TECTA: variants seen among roughly 807,000 people sequenced by gnomAD.
TECTA encodes tectorin alpha, also known as alpha-tectorin.
Under a neutral mutation model 216.8 loss-of-function variants are expected in TECTA, and 128 were observed. The ratio of observed to expected loss-of-function variants is 0.59; its 90% confidence interval spans 0.51 to 0.68. The LOEUF (loss-of-function observed/expected upper bound fraction) is 0.68. Among genes scored for constraint, TECTA ranks in the 30% least tolerant of loss-of-function variants. TECTA has a pLI of 0.00. For synonymous variants in TECTA, 1,089 were observed against 1,117.1 expected, an observed-to-expected ratio of 0.97 and a Z score of 0.50; for missense variants, 2,551 against 2,786.2, an observed-to-expected ratio of 0.92 and a Z score of 1.90.
intron 7 of TECTA, among the ~76,000 whole-genome samples, chr11:121,122,459 T>C (rs1476809296): frequency 6.6e-6 from 1 of 152,172 alleles, no homozygotes; most frequent in Non-Finnish European, 1.5e-5. Context: ...ACCCAGTTTA[T>C]GGTATTTTGC....
At chr11:121,178,123 G>T (rs1947187651) in intron 20 of TECTA, among the ~76,000 whole-genome samples, 2 of 152,214 alleles carry the variant, frequency 1.3e-5, no homozygotes, top group South Asian at 4.1e-4. Flanking sequence ...CTGACCCCTT[G>T]TGCTTCCCAA....
intron 18 of TECTA, 43 bp from the exon 19 acceptor site, chr11:121,168,011 C>A: frequency 1.2e-6 from 2 of 1,610,352 alleles, no homozygotes; most frequent in South Asian, 1.1e-5. Flanking sequence ...GCTACATACT[C>A]ACTCCCAGAT....
chr11:121,135,510 T>C (rs986243879), intron 10 of TECTA, among the ~76,000 whole-genome samples: 1 of 152,218 alleles, frequency 6.6e-6, no homozygotes, highest in African/African-American at 2.4e-5. Flanking sequence ...CACAGACATA[T>C]ATAATCAGTG....
At chr11:121,186,767 G>A (rs1487121512) in intron 20 of TECTA, among the ~76,000 whole-genome samples, 1 of 152,220 alleles carries the variant, frequency 6.6e-6, no homozygotes, top group Non-Finnish European at 1.5e-5. Context: ...TTATTGCTAA[G>A]CTATTTAATC....
rs767905616 is a variant in TECTA, at chr11:121,113,261, G to A, written c.624+52G>A. On this transcript the variant is annotated intron_variant, in intron 5 of 23. Coordinates refer to ENST00000392793, the MANE Select transcript of TECTA (RefSeq NM_005422.4). This position sits in a 1 kb window ranked among gnomAD's most constrained non-coding sequence, Gnocchi z 4.2. ...GCGTGTTTCCGTCGCTGCACTCTCT[G>A]CTTCTGTGGCTCAGCATCCTGGAGG... 6.2e-7 allele frequency: 1 copy of A among 1,612,264 alleles called. No homozygotes were observed. Among genetic ancestry groups the A allele is most frequent in the Non-Finnish European group, 8.5e-7 (1 of 1,179,956 alleles).
chr11:121,162,435 A>G, intron 16 of TECTA, 65 bp downstream of exon 16: 1 of 1,553,720 alleles, frequency 6.4e-7, no homozygotes, highest in South Asian at 1.2e-5. Flanking sequence ...TGCTGGTAGC[A>G]TTGCTTTTTC....
chr11:121,167,985 T>A (rs1947071678), intron 18 of TECTA, 69 bp from the exon 19 acceptor site: 1 of 1,576,602 alleles, frequency 6.3e-7, no homozygotes, highest in East Asian at 2.2e-5. Flanking sequence ...TTCAGGGATA[T>A]GGATTTGATA....
In TECTA at chr11:121,113,425, C is replaced by T; in HGVS notation, c.625-128C>T. ...GTCCTTTCTCACCTAGAATGCTGGC[C>T]CCAGTGACTCCAGGAAAAGACGGCT... On this transcript the variant is annotated intron_variant, in intron 5 of 23. Transcript: ENST00000392793. The surrounding 1 kb of genome is among the most constrained non-coding windows in gnomAD (Gnocchi z 4.2). 6.9e-7 allele frequency: 1 copy of T among 1,452,696 alleles called. No individual in the cohort carries two copies. The highest frequency in any genetic ancestry group is 9.6e-7 in the Non-Finnish European group (1 of 1,040,140). 90.0% of individuals were successfully genotyped at this position (1,452,696 alleles called of 1,614,324 possible).
At chr11:121,153,537 C>G (rs913174787) in intron 13 of TECTA, among the ~76,000 whole-genome samples, 1 of 152,130 alleles carries the variant, frequency 6.6e-6, no homozygotes, top group African/African-American at 2.4e-5. Context: ...GGGCGGACTT[C>G]CCTCTTCTGT....
At chr11:121,179,862 T>G (rs1947207470) in intron 20 of TECTA, among the ~76,000 whole-genome samples, 1 of 152,158 alleles carries the variant, frequency 6.6e-6, no homozygotes, top group Non-Finnish European at 1.5e-5. Flanking sequence ...TGGTTTTGAT[T>G]GTCACAAATT....
chr11:121,103,363 C>T (rs1017351601), intron 2 of TECTA, among the ~76,000 whole-genome samples: 4 of 152,088 alleles, frequency 2.6e-5, no homozygotes, highest in African/African-American at 7.2e-5. Context: ...GGCTAAAATT[C>T]TAAGGCACCT....
chr11:121,181,714 C>T (rs1947231641), intron 20 of TECTA, among the ~76,000 whole-genome samples: 1 of 152,098 alleles, frequency 6.6e-6, no homozygotes, highest in Admixed American at 6.5e-5. Flanking sequence ...GTGATCCACC[C>T]ACCTTGGCCT....
intron 16 of TECTA, among the ~76,000 whole-genome samples, chr11:121,162,844 A>G (rs1947015378): frequency 6.6e-6 from 1 of 152,208 alleles, no homozygotes; most frequent in Non-Finnish European, 1.5e-5. Context: ...TTGACTGTGG[A>G]GAGTACATAT....
At position 121,130,055 on chromosome 11, in the gene TECTA, G is replaced by T. The variant is rs1418911981; in HGVS notation, c.2785G>T (p.Val929Leu). Residue 929 changes from valine to leucine, a missense_variant, in exon 10 of 24, where the codon GTG (valine) becomes TTG (leucine). Coordinates refer to ENST00000392793, the MANE Select transcript of TECTA (RefSeq NM_005422.4). ...SNSSFLECHGVVNVTAYYRTC... is the reference protein window; with the variant it reads ...SNSSFLECHGLVNVTAYYRTC... ...CAGCTCCTTCCTGGAGTGCCATGGGGTGGTGAACGTCACTGCCTATTACCG... is the reference window on the plus strand; with the variant it reads ...CAGCTCCTTCCTGGAGTGCCATGGGTTGGTGAACGTCACTGCCTATTACCG... 1 of 1,614,162 alleles carries T rather than the reference G, an allele frequency of 6.2e-7. No homozygotes were observed. The highest frequency in any genetic ancestry group is 2.2e-5 in the East Asian group (1 of 44,888).
intron 13 of TECTA, among the ~76,000 whole-genome samples, chr11:121,156,789 T>C (rs1223872138): frequency 6.6e-6 from 1 of 152,128 alleles, no homozygotes; most frequent in Non-Finnish European, 1.5e-5. Flanking sequence ...GCCACTGCAC[T>C]CAACCACAAG....
At chr11:121,155,554 T>G (rs1297295020) in intron 13 of TECTA, among the ~76,000 whole-genome samples, 1 of 152,236 alleles carries the variant, frequency 6.6e-6, no homozygotes, top group East Asian at 1.9e-4. Flanking sequence ...AAACTTGTTC[T>G]GGAAGATCTC....
intron 4 of TECTA, among the ~76,000 whole-genome samples, chr11:121,112,418 C>T (rs1041115541): frequency 2.0e-5 from 3 of 152,200 alleles, no homozygotes; most frequent in African/African-American, 7.2e-5. Context: ...TGGGCCAATA[C>T]GATCACCCGT....
chr11:121,125,141 G>A (rs1435895368), intron 7 of TECTA, among the ~76,000 whole-genome samples, 161 bp from the exon 8 acceptor site: 2 of 152,220 alleles, frequency 1.3e-5, no homozygotes, highest in Non-Finnish European at 2.9e-5. Context: ...TTCCCCCCCG[G>A]CCTTTGCCTT....
chr11:121,178,517 A>AGTGTGTGTGTGT lies in TECTA; in HGVS notation c.6000-9281_6000-9270dup, dbSNP rs3222565. On this transcript the variant is annotated intron_variant, in intron 20 of 23. Coordinates refer to ENST00000392793, the MANE Select transcript of TECTA (RefSeq NM_005422.4). ...TATGTTTAGATATTGGCTTGTAGTTAGTGTGTGTGTGTGTGTGTGTGTGTG... is the reference window on the plus strand; with the variant it reads ...TATGTTTAGATATTGGCTTGTAGTTAGTGTGTGTGTGTGTGTGTGTGTGTGTGTGTGTGTGTG... 5.3e-3 allele frequency among the ~76,000 whole-genome samples: 676 copies of AGTGTGTGTGTGT among 127,254 alleles called. 6 individuals carry two copies. Among genetic ancestry groups the AGTGTGTGTGTGT allele is most frequent in the South Asian group, 0.016 (52 of 3,290 alleles). The allele number at this position is 127,254 out of a possible 152,430, so 83.5% of individuals were successfully genotyped here. A position where few individuals can be genotyped will look rare whatever the true frequency, so the allele number is the denominator to read the frequency against.
Sources: gnomAD v4.1 joint callset for allele counts (sites outside exome capture counted in the v4.1 genomes callset) on GRCh38, gnomAD v4.1.1 for gene constraint, Gnocchi (gnomAD v3.1) non-coding constraint, MANE v1.5 for transcripts, NCBI Gene and HGNC (gene_info 2026-07-23, HGNC 2026-07-21) for gene names.